The following STAG1 variants were observed in gnomAD, a reference collection of about 807,000 sequenced individuals.
STAG1 encodes cohesin subunit SA-1.
STAG1 carries 26 observed loss-of-function variants against 170.9 expected under a neutral mutation model. The ratio of observed to expected loss-of-function variants is 0.15; its 90% CI spans 0.11 to 0.21. The LOEUF is 0.21. STAG1 is among the 10% of genes least tolerant of loss of function. The pLI is 1.00. For synonymous variants in STAG1, 514 were observed against 497.7 expected (o/e 1.03, Z -0.44); for missense variants, 964 against 1,509.5 (o/e 0.64, Z 5.99).
chr3:136,554,635 C>T (rs954112348), intron 5 of STAG1, among the ~76,000 whole-genome samples: 1 of 152,238 alleles, frequency 6.6e-6, no homozygotes, highest in South Asian at 2.1e-4. Flanking sequence ...TGGCTCATGC[C>T]TGTAATCCCA....
chr3:136,747,093 T>TCAAAAAA (rs1246647616), intron 1 of STAG1, among the ~76,000 whole-genome samples: 1 of 59,338 alleles, frequency 1.7e-5, no homozygotes, highest in Non-Finnish European at 2.9e-5. Flanking sequence ...TGAAACTGTC[T>TCAAAAAA]AAAAAAAAAA....
chr3:136,493,637 A>C (rs2090161060), intron 9 of STAG1, among the ~76,000 whole-genome samples: 1 of 148,906 alleles, frequency 6.7e-6, no homozygotes, highest in Non-Finnish European at 1.5e-5. Flanking sequence ...CTTGGACAAC[A>C]GAGCGAGATC....
chr3:136,485,548 T>C (rs755280834), intron 9 of STAG1, among the ~76,000 whole-genome samples: 7 of 152,200 alleles, frequency 4.6e-5, no homozygotes, highest in Non-Finnish European at 7.3e-5. Context: ...TATTTCTTTT[T>C]TCAGACAAAA....
intron 4 of STAG1, among the ~76,000 whole-genome samples, chr3:136,572,442 A>C (rs1251505785): frequency 1.3e-5 from 2 of 151,564 alleles, no homozygotes; most frequent in Admixed American, 1.3e-4. Flanking sequence ...AAAATCCACG[A>C]ATTAGTCAGG....
intron 4 of STAG1, among the ~76,000 whole-genome samples, chr3:136,582,586 G>A (rs1331239796): frequency 6.6e-6 from 1 of 152,178 alleles, no homozygotes; most frequent in African/African-American, 2.4e-5. Flanking sequence ...ATCATCTGAG[G>A]TCAGGAGTTC....
chr3:136,366,771 CTGATA>C (rs2108291298), intron 25 of STAG1, among the ~76,000 whole-genome samples, 167 bp downstream of exon 25: 1 of 152,198 alleles, frequency 6.6e-6, no homozygotes, highest in African/African-American at 2.4e-5. Context: ...CTCAATGGAA[CTGATA>C]TAATAGTACA....
intron 12 of STAG1, among the ~76,000 whole-genome samples, chr3:136,466,751 G>A (rs1206742269): frequency 5.9e-5 from 9 of 152,290 alleles, no homozygotes; most frequent in East Asian, 1.9e-4. Flanking sequence ...GGCAGCCAGA[G>A]AGAAAGGTCG....
Position 136,422,512 on chromosome 3 carries a change from A to C in STAG1, c.1935T>G (p.Ser645Arg). 1 of 1,614,040 alleles carries C rather than the reference A, an allele frequency of 6.2e-7. No homozygotes were observed. The highest frequency in any genetic ancestry group is 8.5e-7 in the Non-Finnish European group (1 of 1,179,968). Residue 645 changes from serine (S) to arginine (R), a missense_variant, in exon 19 of 34, where the codon AGT becomes AGG. Around this residue, in one of 11 missense-constraint regions of STAG1, gnomAD observed 232 missense variants for 313.0 expected, o/e 0.74. Coordinates refer to ENST00000383202, the MANE Select transcript of STAG1 (RefSeq NM_005862.3). ...CTCTGTTCTGGATGGTATATTCTTC[A>C]CTGCATAAGATACTATAGGTTTTAC... ...ACSKTYSILC[S>R]EEYTIQNRVD...
At chr3:136,474,214 T>A (rs906096638) in intron 10 of STAG1, among the ~76,000 whole-genome samples, 4 of 152,114 alleles carry the variant, frequency 2.6e-5, no homozygotes, top group African/African-American at 9.7e-5. Flanking sequence ...ATGTTGATGA[T>A]CAAAATGCAT....
chr3:136,598,520 G>A (rs570811553), intron 4 of STAG1, among the ~76,000 whole-genome samples: 3 of 151,388 alleles, frequency 2.0e-5, no homozygotes, highest in Non-Finnish European at 2.9e-5. Context: ...TCCACCTCCC[G>A]GGTTCACGCC....
chr3:136,368,079 A>G (rs966489743), intron 24 of STAG1, among the ~76,000 whole-genome samples: 75 of 152,246 alleles, frequency 4.9e-4, no homozygotes, highest in Non-Finnish European at 3.2e-4. Context: ...GTGAAGCATC[A>G]GTGGTTTGAG....
At chr3:136,490,498 C>T (rs538102766) in intron 9 of STAG1, among the ~76,000 whole-genome samples, 15 of 152,266 alleles carry the variant, frequency 9.9e-5, no homozygotes, top group African/African-American at 3.6e-4. Context: ...TGTTACCCTG[C>T]ATTACGCCTT....
At chr3:136,705,240 G>T (rs1943195156) in intron 1 of STAG1, among the ~76,000 whole-genome samples, 1 of 152,122 alleles carries the variant, frequency 6.6e-6, no homozygotes, top group Admixed American at 6.6e-5. Flanking sequence ...GCCACACGTG[G>T]TGGCATGCGC....
intron 5 of STAG1, among the ~76,000 whole-genome samples, chr3:136,546,747 T>C (rs1359031200): frequency 6.6e-6 from 1 of 152,172 alleles, no homozygotes; most frequent in Admixed American, 6.5e-5. Context: ...CCATAAATTA[T>C]AGAGCAAAAA....
intron 1 of STAG1, among the ~76,000 whole-genome samples, chr3:136,652,131 A>G (rs1941239738): frequency 6.6e-6 from 1 of 152,252 alleles, no homozygotes; most frequent in South Asian, 2.1e-4. Context: ...GTGTTTTCAT[A>G]AAAATTAAAA....
Position 136,358,288 on chromosome 3 carries a change from T to C in STAG1, c.2937-440A>G, listed in dbSNP as rs148387517. The stretch of plus-strand genomic sequence containing the variant: ...TTTGTAGAGATGGGGTTTCGCCATA[T>C]TGCCCAGGCTGGTCTCAAACTCCTG... On this transcript the variant is annotated intron_variant, in intron 27 of 33. Transcript: ENST00000383202. Among the ~76,000 whole-genome samples, 509 of 152,210 alleles carry C rather than the reference T, an allele frequency of 3.3e-3. 8 individuals are homozygous for C. The East Asian group carries it at 0.047, about 14-fold the overall frequency.
intron 3 of STAG1, among the ~76,000 whole-genome samples, chr3:136,618,003 C>T (rs1055117692): frequency 6.6e-6 from 1 of 152,144 alleles, no homozygotes; most frequent in Non-Finnish European, 1.5e-5. Context: ...TATGAATAGA[C>T]ATTTAAAAAT....
chr3:136,411,412 A>T (rs112315231), intron 21 of STAG1, among the ~76,000 whole-genome samples: 7 of 152,330 alleles, frequency 4.6e-5, no homozygotes, highest in African/African-American at 1.4e-4. Context: ...AAATAGGAAC[A>T]AAGTCACAAA....
Position 136,542,175 on chromosome 3 carries a change from A to T in STAG1, c.415T>A (p.Phe139Ile). Residue 139 changes from phenylalanine to isoleucine, a missense_variant, in exon 6 of 34, where the codon TTT becomes ATT. Transcript: ENST00000383202. ...GCRGTVRIEM[F>I]RNMQNAEIIR... ...ATTTCTGCATTCTGCATATTTCGAAACATCTCTATTCTCACAGTACCTGTG... is the reference window on the plus strand; with the variant it reads ...ATTTCTGCATTCTGCATATTTCGAATCATCTCTATTCTCACAGTACCTGTG... 6.2e-7 allele frequency: 1 copy of T among 1,609,348 alleles called. No homozygotes were observed.
Sources: allele counts gnomAD v4.1 joint callset (sites outside exome capture counted in the v4.1 genomes callset), GRCh38; gene constraint gnomAD v4.1.1; regional missense constraint gnomAD v4.1.1; transcripts MANE v1.5; gene names NCBI Gene and HGNC (gene_info 2026-07-23, HGNC 2026-07-21).